RPGRIP1L: variants seen among roughly 807,000 people sequenced by gnomAD.
RPGRIP1L encodes RPGRIP1 like.
RPGRIP1L carries 131 observed loss-of-function variants against 160.4 expected under a neutral mutation model. The observed-to-expected ratio is 0.82, with a 90% CI of 0.71 to 0.94. The LOEUF (loss-of-function observed/expected upper bound fraction) is 0.94. RPGRIP1L is among the 40% of genes least tolerant of loss of function. The probability of loss-of-function intolerance (pLI) is 0.00; values close to 1 mark genes in which losing one functional copy is unlikely to be tolerated. For missense variants in RPGRIP1L, 1,522 were observed against 1,535.8 expected (o/e 0.99, Z 0.15); for synonymous variants, 510 against 515.8 (o/e 0.99, Z 0.15).
intron 22 of RPGRIP1L, among the ~76,000 whole-genome samples, chr16:53,625,003 T>C (rs1262390673): frequency 6.6e-6 from 1 of 152,126 alleles, no homozygotes; most frequent in Non-Finnish European, 1.5e-5. Context: ...TGACCTCGAG[T>C]GATCTGCCCA....
At chr16:53,626,305 G>T (rs946119803) in intron 22 of RPGRIP1L, among the ~76,000 whole-genome samples, 2 of 152,024 alleles carry the variant, frequency 1.3e-5, no homozygotes, top group Admixed American at 1.3e-4. Flanking sequence ...CAACATGACC[G>T]GTCATTCCTC....
intron 6 of RPGRIP1L, among the ~76,000 whole-genome samples, chr16:53,682,093 C>A (rs1969654130): frequency 2.0e-5 from 3 of 152,058 alleles, no homozygotes; most frequent in Admixed American, 2.0e-4. Flanking sequence ...CATTGAACAT[C>A]CTTATTTTAA....
intron 22 of RPGRIP1L, among the ~76,000 whole-genome samples, chr16:53,624,801 CG>C (rs1232564249): frequency 1.4e-5 from 2 of 142,976 alleles, no homozygotes; most frequent in Non-Finnish European, 1.5e-5. Flanking sequence ...CTGCTTTCCA[CG>C]GTCTCCCTCT....
At chr16:53,683,971 T>C (rs752959346) in intron 6 of RPGRIP1L, among the ~76,000 whole-genome samples, 10 of 152,146 alleles carry the variant, frequency 6.6e-5, no homozygotes, top group Non-Finnish European at 2.9e-5. Flanking sequence ...TTACAACTTA[T>C]ACAAAAATCA....
In RPGRIP1L at chr16:53,647,509, T is replaced by C. The variant is rs562918081; in HGVS notation, c.2304+1455A>G. ...GATGGCTGCCTACAGCCCCCAATTT[T>C]ACGTGTCCAGATATGTCTTGCTTTC... On this transcript the variant is annotated intron_variant, in intron 16 of 26. Transcript: ENST00000647211. Among the ~76,000 whole-genome samples, 335 of 152,296 alleles carry C rather than the reference T, an allele frequency of 2.2e-3. 2 individuals are homozygous for C. The highest frequency in any genetic ancestry group is 7.7e-3 in the African/African-American group (321 of 41,546).
At chr16:53,682,460 T>C (rs1969680584) in intron 6 of RPGRIP1L, among the ~76,000 whole-genome samples, 1 of 152,206 alleles carries the variant, frequency 6.6e-6, no homozygotes, top group African/African-American at 2.4e-5. Context: ...TCTGTTGCTC[T>C]AGTTTCAGGA....
In RPGRIP1L at chr16:53,686,641, T is replaced by C. The variant is rs1598401525; in HGVS notation, c.633-65A>G. 7 of 1,542,394 alleles carry C rather than the reference T, an allele frequency of 4.5e-6. No homozygotes were observed. In the East Asian group the frequency reaches 1.6e-4, roughly 35 times the overall value. ...AAAATTTTTCAATAGTTAAGATCAGTGCAAAGAAAGTTCTTCATGAAAAAG... is the reference window on the plus strand; with the variant it reads ...AAAATTTTTCAATAGTTAAGATCAGCGCAAAGAAAGTTCTTCATGAAAAAG... On this transcript the variant is annotated intron_variant, in intron 5 of 26. Transcript: ENST00000647211.
chr16:53,672,755 T>C (rs1968846130), intron 8 of RPGRIP1L, 115 bp downstream of exon 8: 2 of 923,026 alleles, frequency 2.2e-6, no homozygotes, highest in Admixed American at 2.1e-5. Flanking sequence ...AAACACCATG[T>C]ACATAACTTA....
chr16:53,674,764 A>C (rs1482505628), intron 7 of RPGRIP1L, among the ~76,000 whole-genome samples: 2 of 152,134 alleles, frequency 1.3e-5, no homozygotes, highest in Non-Finnish European at 2.9e-5. Flanking sequence ...ATTTATAATA[A>C]ATATGGTTAT....
At chr16:53,632,119 A>C (rs1241368809) in intron 22 of RPGRIP1L, among the ~76,000 whole-genome samples, 3 of 152,252 alleles carry the variant, frequency 2.0e-5, no homozygotes, top group Non-Finnish European at 4.4e-5. Flanking sequence ...AGTAATACGT[A>C]GAAGTACTGG....
intron 4 of RPGRIP1L, among the ~76,000 whole-genome samples, chr16:53,691,843 A>C (rs1356154672): frequency 6.6e-6 from 1 of 152,194 alleles, no homozygotes; most frequent in East Asian, 1.9e-4. Context: ...CATCTCTTAC[A>C]TTAAGGTTAT....
At chr16:53,606,939 G>C (rs1443263487) in intron 25 of RPGRIP1L, among the ~76,000 whole-genome samples, 1 of 152,150 alleles carries the variant, frequency 6.6e-6, no homozygotes, top group Non-Finnish European at 1.5e-5. Flanking sequence ...TTAGAAAATA[G>C]AAATCCTTTA....
At chr16:53,681,633 A>G (rs1969617477) in intron 6 of RPGRIP1L, among the ~76,000 whole-genome samples, 1 of 152,250 alleles carries the variant, frequency 6.6e-6, no homozygotes, top group South Asian at 2.1e-4. Flanking sequence ...AACAACAGGA[A>G]AAAACATGAT....
chr16:53,617,088 A>G (rs1964426479), intron 24 of RPGRIP1L, among the ~76,000 whole-genome samples: 1 of 148,332 alleles, frequency 6.7e-6, no homozygotes, highest in South Asian at 2.1e-4. Flanking sequence ...AAAAAAAAAA[A>G]AAAAAAAAAA....
intron 10 of RPGRIP1L, 22 bp from the exon 11 acceptor site, chr16:53,658,900 A>G: frequency 3.5e-6 from 5 of 1,431,320 alleles, no homozygotes; most frequent in Non-Finnish European, 4.9e-6. Context: ...AGTCCACACA[A>G]TTGGAAAGGT....
chr16:53,605,695 T>C, intron 25 of RPGRIP1L, 81 bp from the exon 26 acceptor site: 3 of 1,394,752 alleles, frequency 2.2e-6, no homozygotes, highest in Non-Finnish European at 3.0e-6. Flanking sequence ...TGGGGTGTTA[T>C]CACTAGGTAT....
chr16:53,691,022 T>C (rs1457649318), intron 4 of RPGRIP1L, among the ~76,000 whole-genome samples: 1 of 152,170 alleles, frequency 6.6e-6, no homozygotes, highest in Non-Finnish European at 1.5e-5. Flanking sequence ...AAAGGAACTC[T>C]ATCTAGGGAA....
At chr16:53,648,606 A>ACG (rs201823531) in intron 16 of RPGRIP1L, among the ~76,000 whole-genome samples, 4,468 of 124,972 alleles carry the variant, frequency 0.036, 220 homozygotes, top group Admixed American at 0.16. Flanking sequence ...ACATATACGT[A>ACG]CGCGCGTGCG....
At position 53,599,893 on chromosome 16, in the gene RPGRIP1L, G is replaced by A. The variant is rs999171280; in HGVS notation, c.*2183C>T. The A allele has an allele frequency of 2.0e-5, 3 of 152,202 alleles. No individual in the cohort carries two copies. Among genetic ancestry groups the A allele is most frequent in the Admixed American group, 6.5e-5 (1 of 15,280 alleles). 9.4% of individuals were successfully genotyped at this position (152,202 alleles called of 1,614,324 possible). A position where few individuals can be genotyped will look rare whatever the true frequency, so the allele number is the denominator to read the frequency against. On this transcript the variant is annotated 3_prime_UTR_variant, in exon 27 of 27. Coordinates refer to ENST00000647211, the MANE Select transcript of RPGRIP1L (RefSeq NM_015272.5). ...ATGAGTGTTGTGAAAATTCGCAATA[G>A]TTTGAAACTGAATATTTTAAAACTA...
Sources: allele counts gnomAD v4.1 joint callset (sites outside exome capture counted in the v4.1 genomes callset), GRCh38; gene constraint gnomAD v4.1.1; transcripts MANE v1.5; gene names NCBI Gene and HGNC (gene_info 2026-07-23, HGNC 2026-07-21).